Variants in UGT2B11 observed in about 807,000 individuals in gnomAD.
UGT2B11 encodes UDP glucuronosyltransferase family 2 member B11.
A neutral mutation model predicts 51.7 loss-of-function variants in UGT2B11; 49 were observed. The ratio of observed to expected loss-of-function variants is 0.95; its 90% CI spans 0.75 to 1.20. The LOEUF (loss-of-function observed/expected upper bound fraction) is 1.20. Ranked by LOEUF, UGT2B11 falls within the 50% of genes most tolerant of loss-of-function variation. The pLI is 0.00. For missense variants in UGT2B11, 810 were observed against 622.1 expected, an observed-to-expected ratio of 1.30 and a Z score of -3.21; for synonymous variants, 273 against 209.0, an observed-to-expected ratio of 1.31 and a Z score of -2.64.
In UGT2B11 at chr4:69,213,986, T is replaced by A; in HGVS notation, c.721+16A>T. Reference sequence around the variant, plus strand: ...ATAAGTTAGATCTTCACGTTACCGATTAAACAAATTCTTACCTAAAACTTC... The same window carrying A: ...ATAAGTTAGATCTTCACGTTACCGAATAAACAAATTCTTACCTAAAACTTC... On this transcript the variant is annotated intron_variant, in intron 1 of 5. Coordinates refer to ENST00000446444, the MANE Select transcript of UGT2B11 (RefSeq NM_001073.3). The A allele has an allele frequency of 6.5e-7, 1 of 1,543,924 alleles. No homozygotes were observed. The highest frequency in any genetic ancestry group is 1.3e-5 in the South Asian group (1 of 77,054).
chr4:69,208,406 A>G lies in UGT2B11; in HGVS notation c.947T>C (p.Met316Thr), dbSNP rs758980823. 28 of 1,610,820 alleles carry G rather than the reference A, an allele frequency of 1.7e-5. No homozygotes were observed. In the South Asian group the frequency reaches 2.6e-4, roughly 15 times the overall value. The change falls in exon 3 of 6, where the codon ATG becomes ACG. Residue 316 changes from methionine (M) to threonine (T), a missense_variant. Met to Thr is a moderately conservative substitution (Grantham distance 81). Transcript: ENST00000446444. ...AATTACATTGGCCCTTTCTGCTGTCATGTTACTTATCACTGACCCCAGAGA... is the reference window on the plus strand; with the variant it reads ...AATTACATTGGCCCTTTCTGCTGTCGTGTTACTTATCACTGACCCCAGAGA... ...VFSLGSVISN[M>T]TAERANVIAT...
chr4:69,203,377 G>A lies in UGT2B11; in HGVS notation c.1310+1053C>T, dbSNP rs187388525. ...ATAAGAGGTCTGGCAACAATGTGGA[G>A]GAATTGGAACCATGTTGTACTGCTG... On this transcript the variant is annotated intron_variant, in intron 5 of 5. Transcript: ENST00000446444. Among the ~76,000 whole-genome samples the A allele has an allele frequency of 3.0e-4, 46 of 151,814 alleles. No homozygotes were observed. The East Asian group carries it at 9.0e-3, about 30-fold the overall frequency.
At chr4:69,209,302 G>A (rs578127802) in intron 2 of UGT2B11, among the ~76,000 whole-genome samples, 1 of 151,774 alleles carries the variant, frequency 6.6e-6, no homozygotes, top group Non-Finnish European at 1.5e-5. Flanking sequence ...CTAACTGCAT[G>A]TGAGGAACTC....
chr4:69,207,539 A>G (rs1721905553), intron 3 of UGT2B11, among the ~76,000 whole-genome samples: 1 of 151,432 alleles, frequency 6.6e-6, no homozygotes, highest in African/African-American at 2.4e-5. Flanking sequence ...ACTCCTTCCT[A>G]TATTTCCTTC....
intron 1 of UGT2B11, among the ~76,000 whole-genome samples, chr4:69,213,247 T>A (rs148122781): frequency 0.047 from 7,211 of 151,820 alleles, 208 homozygotes; most frequent in South Asian, 0.12. Flanking sequence ...CTTAATAATA[T>A]TATCATTTAA....
chr4:69,208,565 G>C, intron 2 of UGT2B11, 83 bp from the exon 3 acceptor site: 15 of 1,547,040 alleles, frequency 9.7e-6, no homozygotes, highest in South Asian at 1.2e-5. Context: ...ATATTAAAGA[G>C]AGAAAATCAA....
At chr4:69,218,844 C>T (rs527775157), upstream of UGT2B11, among the ~76,000 whole-genome samples, 1 of 152,026 alleles carries the variant, frequency 6.6e-6, no homozygotes, top group Non-Finnish European at 1.5e-5. Context: ...CACAAAAGTC[C>T]CTGGATTTTG....
upstream of UGT2B11, chr4:69,214,778 A>T (rs1253015408): frequency 1.9e-6 from 3 of 1,565,978 alleles, no homozygotes; most frequent in Non-Finnish European, 2.6e-6. Context: ...ATACTTATAT[A>T]CAGAGATAAA....
At chr4:69,216,378 T>A (rs1023784704), upstream of UGT2B11, 3 of 152,096 alleles carry the variant, frequency 2.0e-5, no homozygotes, top group South Asian at 2.1e-4. Flanking sequence ...ATTTCATAAA[T>A]ATGAAATCAA....
upstream of UGT2B11, among the ~76,000 whole-genome samples, chr4:69,219,221 G>A (rs532435738): frequency 9.3e-4 from 142 of 152,074 alleles, 1 homozygote; most frequent in African/African-American, 3.3e-3. Context: ...ATCATCTTGA[G>A]CACATTCCTG....
upstream of UGT2B11, among the ~76,000 whole-genome samples, chr4:69,219,583 T>C (rs1722360074): frequency 6.6e-6 from 1 of 152,134 alleles, no homozygotes; most frequent in Non-Finnish European, 1.5e-5. Flanking sequence ...AGATTCACAG[T>C]TACACATGGC....
upstream of UGT2B11, among the ~76,000 whole-genome samples, chr4:69,217,057 T>C (rs145140009): frequency 0.031 from 4,690 of 152,290 alleles, 219 homozygotes; most frequent in African/African-American, 0.11. Context: ...CAAACAGATA[T>C]GTTTTAAGTA....
upstream of UGT2B11, among the ~76,000 whole-genome samples, chr4:69,219,188 C>A (rs1453545261): frequency 6.6e-6 from 1 of 152,026 alleles, no homozygotes; most frequent in Non-Finnish European, 1.5e-5. Flanking sequence ...GTGGCAGTGG[C>A]ACTTCCTGAC....
chr4:69,212,835 TG>T (rs1255825286), intron 1 of UGT2B11, 114 bp from the exon 2 acceptor site: 1 of 1,052,690 alleles, frequency 9.5e-7, no homozygotes, highest in Non-Finnish European at 1.3e-6. Context: ...TTATGTGCTT[TG>T]AAAAATATAT....
At chr4:69,202,548 G>A (rs1171094295) in intron 5 of UGT2B11, among the ~76,000 whole-genome samples, 1 of 151,542 alleles carries the variant, frequency 6.6e-6, no homozygotes, top group Non-Finnish European at 1.5e-5. Context: ...ACGTACTCTA[G>A]GAAAATGTGT....
At chr4:69,218,226 C>A (rs1022023658), upstream of UGT2B11, among the ~76,000 whole-genome samples, 5 of 152,012 alleles carry the variant, frequency 3.3e-5, no homozygotes, top group African/African-American at 1.2e-4. Flanking sequence ...AGCCACCCAG[C>A]ATTTGATAAT....
chr4:69,200,569 C>A lies in UGT2B11; in HGVS notation c.1461G>T (p.Gln487His). The A allele has an allele frequency of 1.2e-6, 2 of 1,612,460 alleles. No individual in the cohort carries two copies. Among genetic ancestry groups the A allele is most frequent in the Non-Finnish European group, 1.7e-6 (2 of 1,179,008 alleles). ...ACCCAATCACATCCAAAGAGTGGTA[C>A]TGGAACCAGGTGAGGTCATGGGCTG... ...RVAAHDLTWF[Q>H]YHSLDVIGFL... is the part of the protein sequence containing the mutation. The change falls in exon 6 of 6, where the codon CAG (glutamine) becomes CAT (histidine). Residue 487 changes from glutamine to histidine, a missense_variant. Coordinates refer to ENST00000446444, the MANE Select transcript of UGT2B11 (RefSeq NM_001073.3).
Position 69,200,654 on chromosome 4 carries a change from C to G in UGT2B11, c.1376G>C (p.Arg459Pro), listed in dbSNP as rs754330334. Reference sequence around the variant, plus strand: ...GACAAATTCAATCCAGAAGACTGCTCGATCCAGGGGCTTTACTGGTTGATC... The same window carrying G: ...GACAAATTCAATCCAGAAGACTGCTGGATCCAGGGGCTTTACTGGTTGATC... ...QHDQPVKPLD[R>P]AVFWIEFVMP... is the part of the protein sequence containing the mutation. Residue 459 changes from arginine (R) to proline (P), a missense_variant, in exon 6 of 6, where the codon CGA becomes CCA. Transcript: ENST00000446444. 2.9e-5 allele frequency: 46 copies of G among 1,612,154 alleles called. No homozygotes were observed. The highest frequency in any genetic ancestry group is 2.3e-5 in the Non-Finnish European group (27 of 1,178,878).
At chr4:69,213,007 A>C (rs1362812753) in intron 1 of UGT2B11, among the ~76,000 whole-genome samples, 1 of 151,536 alleles carries the variant, frequency 6.6e-6, no homozygotes, top group East Asian at 1.9e-4. Flanking sequence ...ATTAAACATC[A>C]ATTTATTTTC....
Sources: gnomAD v4.1 joint callset for allele counts (sites outside exome capture counted in the v4.1 genomes callset) on GRCh38, gnomAD v4.1.1 for gene constraint, MANE v1.5 for transcripts, NCBI Gene and HGNC (gene_info 2026-07-23, HGNC 2026-07-21) for gene names.